The following MAP3K20 variants were observed in gnomAD, a reference collection of about 807,000 sequenced individuals.
The protein encoded by MAP3K20 is mitogen-activated protein kinase kinase kinase 20.
A neutral mutation model predicts 85.7 loss-of-function variants in MAP3K20; 40 were observed. The ratio of observed to expected loss-of-function variants is 0.47; its 90% CI spans 0.36 to 0.61. MAP3K20 has a LOEUF of 0.61. Among genes scored for constraint, MAP3K20 ranks in the 20% least tolerant of loss-of-function variants. The probability of loss-of-function intolerance (pLI) is 0.00; values close to 1 mark genes in which losing one functional copy is unlikely to be tolerated. For missense variants in MAP3K20, 817 were observed against 961.7 expected, an observed-to-expected ratio of 0.85 and a Z score of 1.99; for synonymous variants, 325 against 327.7, an observed-to-expected ratio of 0.99 and a Z score of 0.09.
intron 9 of MAP3K20, among the ~76,000 whole-genome samples, chr2:173,209,056 T>C (rs1227822831): frequency 6.6e-6 from 1 of 152,210 alleles, no homozygotes; most frequent in Non-Finnish European, 1.5e-5. Flanking sequence ...GAAGTTATGA[T>C]GGCTTTAAAA....
At chr2:173,254,694 C>T (rs1455060551) in intron 16 of MAP3K20, among the ~76,000 whole-genome samples, 6 of 152,176 alleles carry the variant, frequency 3.9e-5, no homozygotes. Flanking sequence ...AATTCAATAA[C>T]CATTTGAATC....
At chr2:173,188,375 T>C (rs1355823553) in intron 5 of MAP3K20, among the ~76,000 whole-genome samples, 1 of 152,192 alleles carries the variant, frequency 6.6e-6, no homozygotes, top group Non-Finnish European at 1.5e-5. Context: ...TTTGCCACTT[T>C]TCTGAATACC....
chr2:173,255,296 T>C (rs901263034), intron 16 of MAP3K20, among the ~76,000 whole-genome samples: 1 of 152,210 alleles, frequency 6.6e-6, no homozygotes, highest in African/African-American at 2.4e-5. Flanking sequence ...GACCCATTTA[T>C]GGAGCTCAAC....
At chr2:173,154,772 A>ATTT (rs1574062762) in intron 2 of MAP3K20, among the ~76,000 whole-genome samples, 1 of 152,186 alleles carries the variant, frequency 6.6e-6, no homozygotes, top group East Asian at 1.9e-4. Context: ...AAGGAGAGGC[A>ATTT]TGGTTACATT....
intron 17 of MAP3K20, 152 bp downstream of exon 17, chr2:173,258,967 G>A (rs920697064): frequency 2.0e-6 from 1 of 494,060 alleles, no homozygotes; most frequent in Non-Finnish European, 3.6e-6. Flanking sequence ...TTATTTAGCA[G>A]ACTGAGATCA....
At chr2:173,169,131 C>A (rs921971902) in intron 2 of MAP3K20, among the ~76,000 whole-genome samples, 1 of 151,952 alleles carries the variant, frequency 6.6e-6, no homozygotes, top group African/African-American at 2.4e-5. Flanking sequence ...CTCATCTAAC[C>A]AACAGAAGTT....
intron 1 of MAP3K20, among the ~76,000 whole-genome samples, chr2:173,089,622 G>A (rs139462605): frequency 6.7e-6 from 1 of 150,264 alleles, no homozygotes; most frequent in Admixed American, 6.6e-5. Context: ...TCGCTCTGTT[G>A]CCCAGGCTGG....
At chr2:173,129,799 C>G (rs1416098252) in intron 2 of MAP3K20, among the ~76,000 whole-genome samples, 1 of 152,130 alleles carries the variant, frequency 6.6e-6, no homozygotes, top group Non-Finnish European at 1.5e-5. Context: ...TACGCATAAT[C>G]AGAAATTATA....
At chr2:173,157,492 AG>A (rs1170556108) in intron 2 of MAP3K20, among the ~76,000 whole-genome samples, 1 of 152,254 alleles carries the variant, frequency 6.6e-6, no homozygotes, top group East Asian at 1.9e-4. Flanking sequence ...AAGATGTTAA[AG>A]GACTTTCAGA....
chr2:173,147,514 T>C (rs1689169380), intron 2 of MAP3K20, among the ~76,000 whole-genome samples: 1 of 152,246 alleles, frequency 6.6e-6, no homozygotes, highest in Admixed American at 6.5e-5. Flanking sequence ...CAAAATAGAA[T>C]GCAACCAGCA....
chr2:173,122,467 C>G (rs957038820), intron 2 of MAP3K20, among the ~76,000 whole-genome samples: 5 of 152,162 alleles, frequency 3.3e-5, no homozygotes, highest in Admixed American at 3.3e-4. Context: ...CTAGTAATGG[C>G]AGCAGGCCTC....
intron 9 of MAP3K20, among the ~76,000 whole-genome samples, chr2:173,204,111 TTTA>T (rs1428138825): frequency 1.3e-5 from 2 of 152,146 alleles, no homozygotes; most frequent in Non-Finnish European, 2.9e-5. Context: ...TATAAATAAT[TTTA>T]TTATTTTGTT....
At chr2:173,118,600 C>G (rs989692075) in intron 2 of MAP3K20, among the ~76,000 whole-genome samples, 1 of 152,128 alleles carries the variant, frequency 6.6e-6, no homozygotes, top group Non-Finnish European at 1.5e-5. Flanking sequence ...AGGCCTTGTT[C>G]TGAGTACCAT....
intron 9 of MAP3K20, among the ~76,000 whole-genome samples, chr2:173,205,398 C>G (rs1477213705): frequency 2.6e-5 from 4 of 152,088 alleles, no homozygotes; most frequent in Non-Finnish European, 5.9e-5. Flanking sequence ...ATGGGAATAA[C>G]TAACTCAGAA....
intron 2 of MAP3K20, among the ~76,000 whole-genome samples, chr2:173,137,486 G>A (rs1419699927): frequency 6.6e-6 from 1 of 151,106 alleles, no homozygotes; most frequent in African/African-American, 2.5e-5. Flanking sequence ...GTCAGCTTGA[G>A]AAGATTTTTT....
intron 18 of MAP3K20, among the ~76,000 whole-genome samples, 172 bp from the exon 19 acceptor site, chr2:173,263,573 G>A (rs1207244482): frequency 2.0e-5 from 3 of 152,126 alleles, no homozygotes; most frequent in Middle Eastern, 3.2e-3. Flanking sequence ...GCATATTTGG[G>A]CCAACTGTTC....
intron 11 of MAP3K20, among the ~76,000 whole-genome samples, chr2:173,227,593 T>C (rs997459970): frequency 6.6e-6 from 1 of 152,226 alleles, no homozygotes; most frequent in South Asian, 2.1e-4. Flanking sequence ...AGGCATCGTA[T>C]TGGAGAACCA....
At chr2:173,075,646 C>A, upstream of MAP3K20, 1 of 757,970 alleles carries the variant, frequency 1.3e-6, no homozygotes, top group Non-Finnish European at 1.6e-6. Context: ...AACACCCCCA[C>A]GGCCCTCCCC....
intron 15 of MAP3K20, 95 bp from the exon 16 acceptor site, chr2:173,239,309 G>GAAA (rs78752850): frequency 6.2e-4 from 496 of 800,482 alleles, no homozygotes; most frequent in South Asian, 1.3e-3. Context: ...GATTAGAATA[G>GAAA]AAAAAAAAAA....
Sources: allele counts gnomAD v4.1 joint callset (sites outside exome capture counted in the v4.1 genomes callset), GRCh38; gene constraint gnomAD v4.1.1; transcripts MANE v1.5; gene names NCBI Gene and HGNC (gene_info 2026-07-23, HGNC 2026-07-21).